The following CHEK2 variants were observed in gnomAD, a reference collection of about 807,000 sequenced individuals.
CHEK2 encodes serine/threonine-protein kinase Chk2.
A neutral mutation model predicts 69.1 loss-of-function variants in CHEK2; 71 were observed. The observed-to-expected ratio is 1.03, with a 90% CI of 0.85 to 1.25. The LOEUF (loss-of-function observed/expected upper bound fraction) is 1.25, where lower values mean the gene tolerates loss of function less well. Ranked by LOEUF, CHEK2 falls within the 50% of genes most tolerant of loss-of-function variation. The probability of loss-of-function intolerance (pLI) is 0.00; values close to 1 mark genes in which losing one functional copy is unlikely to be tolerated. For synonymous variants in CHEK2, 189 were observed against 226.9 expected (o/e 0.83, Z 1.50); for missense variants, 664 against 649.6 (o/e 1.02, Z -0.24).
At chr22:28,696,309 C>T (rs2052583310) in intron 10 of CHEK2, among the ~76,000 whole-genome samples, 1 of 152,158 alleles carries the variant, frequency 6.6e-6, no homozygotes, top group African/African-American at 2.4e-5. Flanking sequence ...TAAATCCTAA[C>T]AAGAGATTCT....
chr22:28,702,787 T>C (rs2052938309), intron 8 of CHEK2, among the ~76,000 whole-genome samples: 1 of 152,050 alleles, frequency 6.6e-6, no homozygotes. Flanking sequence ...CCTCAGGTGA[T>C]CCACCCACCT....
At chr22:28,722,553 A>T (rs1049101362) in intron 4 of CHEK2, among the ~76,000 whole-genome samples, 14 of 151,274 alleles carry the variant, frequency 9.3e-5, no homozygotes, top group African/African-American at 3.4e-4. Context: ...AAAAAAAAAA[A>T]AAAAAAGAAA....
chr22:28,703,373 T>C (rs2052965574), intron 8 of CHEK2, 132 bp downstream of exon 8: 1 of 642,642 alleles, frequency 1.6e-6, no homozygotes, highest in African/African-American at 1.8e-5. Flanking sequence ...TACACAGACT[T>C]TGTGGGCCCC....
In CHEK2 at chr22:28,726,210, A is replaced by C. The variant is rs1215899079; in HGVS notation, c.320-843T>G. On this transcript the variant is annotated intron_variant, in intron 2 of 14. Transcript: ENST00000404276. ...AAAGCAAGACTCTGTCTGAAAAAAA[A>C]CAAAAAACAATTAACCAGATGTGGT... 4.6e-5 allele frequency: 7 copies of C among 151,646 alleles called. No homozygotes were observed. The East Asian group carries it at 1.4e-3, about 29-fold the overall frequency. The allele number at this position is 151,646 out of a possible 1,614,324, so 9.4% of individuals were successfully genotyped here.
chr22:28,710,830 C>T (rs1220070440), intron 6 of CHEK2, among the ~76,000 whole-genome samples: 2 of 152,190 alleles, frequency 1.3e-5, no homozygotes, highest in Non-Finnish European at 2.9e-5. Flanking sequence ...AGGGTATACT[C>T]TGATAACAGG....
chr22:28,699,362 CTTTTTTTTTTTT>C (rs67508991), intron 9 of CHEK2, among the ~76,000 whole-genome samples: 57 of 78,038 alleles, frequency 7.3e-4, no homozygotes, highest in African/African-American at 2.6e-3. Flanking sequence ...AGAGCTTTTT[CTTTTTTTTTTTT>C]TTTTTTTTTT....
Position 28,687,839 on chromosome 22 carries a change from A to G in CHEK2, c.*58T>C. ...AAACTATAAAAAAACAGACTCAAAGAAAAGAAAGATGACAGAGTGAAAGAA... is the reference window on the plus strand; with the variant it reads ...AAACTATAAAAAAACAGACTCAAAGGAAAGAAAGATGACAGAGTGAAAGAA... On this transcript the variant is annotated 3_prime_UTR_variant, in exon 15 of 15. Coordinates refer to ENST00000404276, the MANE Select transcript of CHEK2 (RefSeq NM_007194.4). 7.6e-7 allele frequency: 1 copy of G among 1,323,064 alleles called. No individual in the cohort carries two copies. 82.0% of individuals were successfully genotyped at this position (1,323,064 alleles called of 1,614,324 possible). A position where few individuals can be genotyped will look rare whatever the true frequency, so the allele number is the denominator to read the frequency against.
intron 1 of CHEK2, among the ~76,000 whole-genome samples, chr22:28,741,148 CAAA>C (rs71194792): frequency 2.0e-5 from 1 of 51,158 alleles, no homozygotes. Flanking sequence ...GACTCCGTCT[CAAA>C]AAAAAAAAAA....
intron 2 of CHEK2, chr22:28,726,469 A>G (rs6005849): frequency 6.1e-5 from 9 of 146,484 alleles, no homozygotes; most frequent in African/African-American, 2.2e-4. Flanking sequence ...TGTTATATAA[A>G]TTTATTTTAT....
intron 8 of CHEK2, 29 bp downstream of exon 8, chr22:28,703,476 C>A: frequency 8.6e-7 from 1 of 1,169,530 alleles, no homozygotes; most frequent in Non-Finnish European, 1.3e-6. Context: ...TGAATGGAAA[C>A]AGAAATTTTT....
intron 7 of CHEK2, among the ~76,000 whole-genome samples, chr22:28,705,857 C>G (rs1159755046): frequency 6.6e-6 from 1 of 152,014 alleles, no homozygotes; most frequent in Non-Finnish European, 1.5e-5. Context: ...ACCTGGGAAT[C>G]GCTTGAACCC....
intron 10 of CHEK2, among the ~76,000 whole-genome samples, chr22:28,696,688 T>C (rs965377566): frequency 7.9e-5 from 12 of 152,158 alleles, no homozygotes; most frequent in African/African-American, 2.9e-4. Flanking sequence ...CTCCTCTCTC[T>C]CTAAGCACAA....
chr22:28,702,728 G>T lies in CHEK2; in HGVS notation c.908+777C>A, dbSNP rs1035661377. Reference sequence around the variant, plus strand: ...CACTCGGCTAATTTTTGTATTTTTAGTAGAGATGGGGTTTCATCATGTTGG... The same window carrying T: ...CACTCGGCTAATTTTTGTATTTTTATTAGAGATGGGGTTTCATCATGTTGG... On this transcript the variant is annotated intron_variant, in intron 8 of 14. Transcript: ENST00000404276. Among the ~76,000 whole-genome samples, 32 of 151,398 alleles carry T rather than the reference G, an allele frequency of 2.1e-4. 3 individuals are homozygous for T. The South Asian group carries it at 4.2e-3, about 20-fold the overall frequency.
In CHEK2 at chr22:28,692,851, T is replaced by C. The variant is rs143564405; in HGVS notation, c.1461+1181A>G. Among the ~76,000 whole-genome samples the C allele has an allele frequency of 3.5e-4, 54 of 152,336 alleles. No homozygotes were observed. In the East Asian group the frequency reaches 7.3e-3, roughly 21 times the overall value. ...AGTTTCCCCCAGGCTATTCTCGTGA[T>C]AGTGAGTGAGTTCTCACCAGATCTG... On this transcript the variant is annotated intron_variant, in intron 13 of 14. Transcript: ENST00000404276.
At chr22:28,725,468 G>A (rs2146074458) in intron 2 of CHEK2, 101 bp from the exon 3 acceptor site, 2 of 1,369,090 alleles carry the variant, frequency 1.5e-6, no homozygotes, top group Non-Finnish European at 1.0e-6. Flanking sequence ...GCCTAAGAAG[G>A]CAATCAGAAT....
intron 10 of CHEK2, among the ~76,000 whole-genome samples, chr22:28,696,607 C>A (rs1327130715): frequency 6.6e-6 from 1 of 152,060 alleles, no homozygotes; most frequent in East Asian, 1.9e-4. Flanking sequence ...GATCTGCCCA[C>A]CTCGGCCTCC....
chr22:28,741,517 G>C (rs1474239940), intron 1 of CHEK2, among the ~76,000 whole-genome samples: 4 of 151,960 alleles, frequency 2.6e-5, no homozygotes, highest in Admixed American at 1.3e-4. Flanking sequence ...AAGTCACTTC[G>C]CTCTGATATT....
At chr22:28,721,170 C>T (rs1851268225) in intron 4 of CHEK2, among the ~76,000 whole-genome samples, 1 of 152,060 alleles carries the variant, frequency 6.6e-6, no homozygotes, top group African/African-American at 2.4e-5. Context: ...TAAGGGTCAC[C>T]TTTAGCCTAT....
chr22:28,718,206 T>C (rs572546268), intron 5 of CHEK2, among the ~76,000 whole-genome samples: 45 of 152,250 alleles, frequency 3.0e-4, no homozygotes, highest in African/African-American at 1.0e-3. Context: ...ATCAAGGAAA[T>C]GCAAATTAAA....
Sources: allele counts gnomAD v4.1 joint callset (sites outside exome capture counted in the v4.1 genomes callset), GRCh38; gene constraint gnomAD v4.1.1; transcripts MANE v1.5; gene names NCBI Gene and HGNC (gene_info 2026-07-23, HGNC 2026-07-21).